The following SPSB4 variants were observed in gnomAD, a reference collection of about 807,000 sequenced individuals.
SPSB4 encodes the protein splA/ryanodine receptor domain and SOCS box containing 4.
A neutral mutation model predicts 20.9 loss-of-function variants in SPSB4; 21 were observed. The observed-to-expected ratio is 1.01, with a 90% CI of 0.71 to 1.45. The LOEUF (loss-of-function observed/expected upper bound fraction) is 1.45, where lower values mean the gene tolerates loss of function less well. Among genes scored for constraint, SPSB4 ranks in the 40% most tolerant of loss-of-function variants. The pLI is 0.00. For synonymous variants in SPSB4, 207 were observed against 183.8 expected (o/e 1.13, Z -1.02); for missense variants, 399 against 399.2 (o/e 1.00, Z 0.00).
chr3:141,147,005 A>G, intron 2 of SPSB4, 137 bp from the exon 3 acceptor site: 1 of 1,184,276 alleles, frequency 8.4e-7, no homozygotes, highest in Non-Finnish European at 1.2e-6. Context: ...AACCAGAGAA[A>G]TCTTCTCCAA....
chr3:141,125,437 C>T (rs1284878540), intron 2 of SPSB4, among the ~76,000 whole-genome samples: 1 of 152,158 alleles, frequency 6.6e-6, no homozygotes, highest in African/African-American at 2.4e-5. Context: ...CACATCATGG[C>T]AGGGGAAGAA....
chr3:141,141,263 G>A (rs111981644), intron 2 of SPSB4, among the ~76,000 whole-genome samples: 4,227 of 152,284 alleles, frequency 0.028, 209 homozygotes, highest in African/African-American at 0.097. Flanking sequence ...GGAATTCCCT[G>A]ACCCCTTGCA....
At chr3:141,081,929 G>C (rs915948711) in intron 2 of SPSB4, among the ~76,000 whole-genome samples, 1 of 152,106 alleles carries the variant, frequency 6.6e-6, no homozygotes, top group Non-Finnish European at 1.5e-5. Context: ...TGATTTTAAG[G>C]TTCTGGGGTG....
intron 2 of SPSB4, among the ~76,000 whole-genome samples, chr3:141,067,915 C>T (rs1024397916): frequency 1.5e-4 from 23 of 152,236 alleles, no homozygotes; most frequent in African/African-American, 5.5e-4. Context: ...GGCAGATCCT[C>T]CTTTTAGAAA....
chr3:141,115,330 C>A (rs1346554243), intron 2 of SPSB4: 1 of 152,176 alleles, frequency 6.6e-6, no homozygotes, highest in Non-Finnish European at 1.5e-5. Flanking sequence ...GGTGGATGAG[C>A]TTTATTCTGC....
chr3:141,052,337 T>G (rs188662821), intron 1 of SPSB4, among the ~76,000 whole-genome samples: 1 of 152,314 alleles, frequency 6.6e-6, no homozygotes, highest in Admixed American at 6.5e-5. Context: ...ACCTGTTTCC[T>G]CATCCGTAGG....
chr3:141,094,125 G>GGGGTCTGC (rs1938508126), intron 2 of SPSB4, among the ~76,000 whole-genome samples: 1 of 152,226 alleles, frequency 6.6e-6, no homozygotes, highest in South Asian at 2.1e-4. Flanking sequence ...CTTGCTGCCT[G>GGGGTCTGC]AGGTCGGCTG....
At chr3:141,141,549 C>T in intron 2 of SPSB4, among the ~76,000 whole-genome samples, 1 of 152,174 alleles carries the variant, frequency 6.6e-6, no homozygotes, top group East Asian at 1.9e-4. Flanking sequence ...CTTTCCCTGA[C>T]ACAGAAGAGG....
chr3:141,070,555 T>A (rs1336387935), intron 2 of SPSB4, among the ~76,000 whole-genome samples: 1 of 152,118 alleles, frequency 6.6e-6, no homozygotes, highest in Non-Finnish European at 1.5e-5. Context: ...AAAAAAATTT[T>A]TTTTGTAGAG....
chr3:141,124,971 C>T (rs1576539448), intron 2 of SPSB4, among the ~76,000 whole-genome samples: 1 of 152,164 alleles, frequency 6.6e-6, no homozygotes, highest in East Asian at 1.9e-4. Flanking sequence ...CGTAGCCAGG[C>T]TAACGAGGGT....
intron 1 of SPSB4, among the ~76,000 whole-genome samples, chr3:141,054,784 T>C (rs1576511280): frequency 6.6e-6 from 1 of 152,110 alleles, no homozygotes; most frequent in East Asian, 1.9e-4. Context: ...GCTAACACAG[T>C]GAAACCCCGT....
chr3:141,125,264 A>C (rs1167673251), intron 2 of SPSB4, among the ~76,000 whole-genome samples: 1 of 152,030 alleles, frequency 6.6e-6, no homozygotes. Context: ...GCAGAGCGAT[A>C]TTTTTCTTTC....
At position 141,066,588 on chromosome 3, in the gene SPSB4, C is replaced by A. The variant is rs534730385; in HGVS notation, c.484C>A (p.Pro162Thr). Residue 162 changes from proline to threonine, a missense_variant, in exon 2 of 3, where the codon CCG (proline) becomes ACG (threonine). Transcript: ENST00000310546. ...CAAGAACCAGCCCGGCGTGGCCTAC[C>A]CGGCCTTTCTGGGGCCCGACGAGGC... ...DGKNQPGVAY[P>T]AFLGPDEAFA... 14 of 1,568,380 alleles carry A rather than the reference C, an allele frequency of 8.9e-6. No homozygotes were observed. The African/African-American group carries it at 1.5e-4, about 17-fold the overall frequency.
chr3:141,057,176 A>C (rs1012033897), intron 1 of SPSB4, among the ~76,000 whole-genome samples: 1 of 152,194 alleles, frequency 6.6e-6, no homozygotes, highest in African/African-American at 2.4e-5. Flanking sequence ...CCTGAGCTCC[A>C]TGTGTGTATA....
At chr3:141,118,391 C>T (rs1938914072) in intron 2 of SPSB4, among the ~76,000 whole-genome samples, 1 of 152,018 alleles carries the variant, frequency 6.6e-6, no homozygotes, top group Admixed American at 6.5e-5. Context: ...TGGATATTAG[C>T]CCTTTGTTAG....
rs1376789074 is a variant in SPSB4, at chr3:141,066,492, A to G, written c.388A>G (p.Thr130Ala). Residue 130 changes from threonine (T) to alanine (A), a missense_variant, in exon 2 of 3, where the codon ACG becomes GCG. Coordinates refer to ENST00000310546, the MANE Select transcript of SPSB4 (RefSeq NM_080862.3). The part of the protein sequence containing the change: ...ARAPLHSVGY[T>A]ALVGSDAESW... Reference sequence around the variant, plus strand: ...TGCTCCCCTGCACTCCGTGGGCTACACGGCGCTGGTAGGCAGTGACGCCGA... The same window carrying G: ...TGCTCCCCTGCACTCCGTGGGCTACGCGGCGCTGGTAGGCAGTGACGCCGA... 1 of 1,501,950 alleles carries G rather than the reference A, an allele frequency of 6.7e-7. No homozygotes were observed. The highest frequency in any genetic ancestry group is 8.9e-7 in the Non-Finnish European group (1 of 1,124,846). 93.0% of individuals were successfully genotyped at this position (1,501,950 alleles called of 1,614,324 possible).
chr3:141,069,650 C>G (rs1251883599), intron 2 of SPSB4, among the ~76,000 whole-genome samples: 13 of 152,198 alleles, frequency 8.5e-5, no homozygotes, highest in African/African-American at 3.1e-4. Flanking sequence ...CTGGCCCCAG[C>G]ACTCAACAAA....
chr3:141,134,592 T>C (rs1216769986), intron 2 of SPSB4, among the ~76,000 whole-genome samples: 1 of 152,184 alleles, frequency 6.6e-6, no homozygotes, highest in East Asian at 1.9e-4. Context: ...TTTTTGTTTT[T>C]AATTATGTTT....
chr3:141,093,482 C>T (rs1030585347), intron 2 of SPSB4, among the ~76,000 whole-genome samples: 2 of 152,046 alleles, frequency 1.3e-5, no homozygotes, highest in Non-Finnish European at 2.9e-5. Flanking sequence ...CAAAACCTTA[C>T]TCATTCTGCC....
Sources: gnomAD v4.1 joint callset for allele counts (sites outside exome capture counted in the v4.1 genomes callset) on GRCh38, gnomAD v4.1.1 for gene constraint, MANE v1.5 for transcripts, NCBI Gene and HGNC (gene_info 2026-07-23, HGNC 2026-07-21) for gene names.